DGKD: variants seen among roughly 807,000 people sequenced by gnomAD.
DGKD encodes DAG kinase delta.
A neutral mutation model predicts 154.4 loss-of-function variants in DGKD; 68 were observed. The ratio of observed to expected loss-of-function variants is 0.44; its 90% CI spans 0.36 to 0.54. The LOEUF is 0.54. Ranked by LOEUF, DGKD falls within the 20% of genes least tolerant of loss-of-function variation. The probability of loss-of-function intolerance (pLI) is 0.00; values close to 1 mark genes in which losing one functional copy is unlikely to be tolerated. For missense variants in DGKD, 1,343 were observed against 1,593.6 expected (o/e 0.84, Z 2.68); for synonymous variants, 693 against 638.0 (o/e 1.09, Z -1.30).
chr2:233,354,819 T>G lies in DGKD; in HGVS notation c.156+145T>G. The G allele has an allele frequency of 3.2e-6, 1 of 315,758 alleles. No homozygotes were observed. Among genetic ancestry groups the G allele is most frequent in the Non-Finnish European group, 4.5e-6 (1 of 222,282 alleles). The allele number at this position is 315,758 out of a possible 1,614,324, so 19.6% of individuals were successfully genotyped here. A position where few individuals can be genotyped will look rare whatever the true frequency, so the allele number is the denominator to read the frequency against. On this transcript the variant is annotated intron_variant, in intron 1 of 29. Transcript: ENST00000264057. The surrounding 1 kb of genome is among the most constrained non-coding windows in gnomAD (Gnocchi z 4.8). The stretch of plus-strand genomic sequence containing the variant: ...CGGGCGTCACCGCCCCTGTCGAGCG[T>G]GCCCCGCCGCTGTAACGGGCCGGCG...
chr2:233,403,747 C>A (rs541165478), intron 3 of DGKD, among the ~76,000 whole-genome samples: 1 of 151,242 alleles, frequency 6.6e-6, no homozygotes, highest in Non-Finnish European at 1.5e-5. Flanking sequence ...TCAAGCAATT[C>A]TCCTGCCTCA....
Position 233,388,291 on chromosome 2 carries a change from A to G in DGKD, c.191A>G (p.Asn64Ser). Residue 64 changes from asparagine to serine, a missense_variant, in exon 2 of 30, where the codon AAC becomes AGC. Transcript: ENST00000264057. ...AAAGAGGGGATGCTGACCAAACAGAACAATTCATTCCAGCGATCAAAAAGG... is the reference window on the plus strand; with the variant it reads ...AAAGAGGGGATGCTGACCAAACAGAGCAATTCATTCCAGCGATCAAAAAGG... ...IIKEGMLTKQNNSFQRSKRRY... is the reference protein window; with the variant it reads ...IIKEGMLTKQSNSFQRSKRRY... 1 of 1,614,168 alleles carries G rather than the reference A, an allele frequency of 6.2e-7. No individual in the cohort carries two copies. Among genetic ancestry groups the G allele is most frequent in the Non-Finnish European group, 8.5e-7 (1 of 1,180,026 alleles).
Position 233,445,484 on chromosome 2 carries a change from G to A in DGKD, c.1195-139G>A. On this transcript the variant is annotated intron_variant, in intron 10 of 29. Coordinates refer to ENST00000264057, the MANE Select transcript of DGKD (RefSeq NM_152879.3). This position sits in a 1 kb window ranked among gnomAD's most constrained non-coding sequence, Gnocchi z 5.5. ...CCCTCCAGTGGGCTCTGCCTGTAATGTGTAAGCTGCGTGGTTTTAGGTCAC... is the reference window on the plus strand; with the variant it reads ...CCCTCCAGTGGGCTCTGCCTGTAATATGTAAGCTGCGTGGTTTTAGGTCAC... The A allele has an allele frequency of 1.6e-6, 2 of 1,217,308 alleles. No homozygotes were observed. The highest frequency in any genetic ancestry group is 2.2e-6 in the Non-Finnish European group (2 of 896,812). 75.4% of individuals were successfully genotyped at this position (1,217,308 alleles called of 1,614,324 possible). A position where few individuals can be genotyped will look rare whatever the true frequency, so the allele number is the denominator to read the frequency against.
At chr2:233,387,228 G>A (rs1304823234) in intron 1 of DGKD, among the ~76,000 whole-genome samples, 1 of 152,174 alleles carries the variant, frequency 6.6e-6, no homozygotes, top group Non-Finnish European at 1.5e-5. Context: ...AAACATTTAC[G>A]TAAAGTGCAG....
At chr2:233,451,166 A>T in intron 17 of DGKD, 116 bp downstream of exon 17, 213 of 698,974 alleles carry the variant, frequency 3.0e-4, no homozygotes, top group Middle Eastern at 9.9e-4. Flanking sequence ...TGAGAAAGAT[A>T]GGTGGAATTG....
At chr2:233,383,821 A>G (rs7593807) in intron 1 of DGKD, among the ~76,000 whole-genome samples, 4,665 of 152,144 alleles carry the variant, frequency 0.031, 234 homozygotes, top group African/African-American at 0.11. Context: ...TGCTTTAAGG[A>G]TAGTTGAGGA....
At chr2:233,439,395 G>C (rs904959486) in intron 9 of DGKD, among the ~76,000 whole-genome samples, 4 of 152,190 alleles carry the variant, frequency 2.6e-5, no homozygotes, top group Admixed American at 1.3e-4. Flanking sequence ...TGTCTTCTGT[G>C]TTGCTCATCC....
chr2:233,396,979 G>GCA (rs1302155776), intron 3 of DGKD, among the ~76,000 whole-genome samples: 8 of 124,076 alleles, frequency 6.4e-5, no homozygotes, highest in East Asian at 2.7e-4. Flanking sequence ...GGCTGGGGGG[G>GCA]GCAGAGCGAG....
intron 1 of DGKD, among the ~76,000 whole-genome samples, chr2:233,369,156 G>C (rs1003867160): frequency 6.6e-6 from 1 of 152,226 alleles, no homozygotes; most frequent in African/African-American, 2.4e-5. Context: ...TTTTTGGGGG[G>C]AGGTTCTCAT....
intron 1 of DGKD, among the ~76,000 whole-genome samples, chr2:233,376,786 A>G (rs374100307): frequency 6.6e-6 from 1 of 152,092 alleles, no homozygotes; most frequent in East Asian, 1.9e-4. Flanking sequence ...TTAAATGAGT[A>G]ATCTTTGGAA....
chr2:233,460,415 C>T (rs2063591441), intron 24 of DGKD, 70 bp downstream of exon 24: 1 of 1,564,264 alleles, frequency 6.4e-7, no homozygotes, highest in Non-Finnish European at 8.7e-7. Context: ...TCTTCCAAGG[C>T]CCCTGGGGCG....
At chr2:233,434,568 C>T (rs939865475) in intron 4 of DGKD, 84 bp downstream of exon 4, 84 of 1,442,578 alleles carry the variant, frequency 5.8e-5, no homozygotes, top group Non-Finnish European at 7.7e-5. Flanking sequence ...CTCCCACGTG[C>T]GGACCCACAG....
intron 18 of DGKD, 46 bp from the exon 19 acceptor site, chr2:233,454,717 C>A: frequency 1.7e-6 from 2 of 1,186,766 alleles, no homozygotes; most frequent in Non-Finnish European, 2.5e-6. Context: ...TGAAATAAGA[C>A]TGCTCAGCAG....
chr2:233,380,992 C>A (rs1007348287), intron 1 of DGKD, among the ~76,000 whole-genome samples: 6 of 151,854 alleles, frequency 4.0e-5, no homozygotes, highest in African/African-American at 1.5e-4. Context: ...AAATTGGATT[C>A]TCTTGATGGG....
At position 233,437,436 on chromosome 2, in the gene DGKD, G is replaced by A; in HGVS notation, c.879G>A (p.Val293=). The part of the protein sequence containing the change: ...LTKCPLGLCK[V]SVIPPTALNS... Reference sequence around the variant, plus strand: ...AGTGCCCACTTGGCCTGTGCAAAGTGTCAGTCATCCCACCCACGGCTCTCA... The same window carrying A: ...AGTGCCCACTTGGCCTGTGCAAAGTATCAGTCATCCCACCCACGGCTCTCA... The change falls in exon 8 of 30, where the codon GTG becomes GTA. Residue 293 remains valine (V), a synonymous_variant. Coordinates refer to ENST00000264057, the MANE Select transcript of DGKD (RefSeq NM_152879.3). 1 of 1,614,242 alleles carries A rather than the reference G, an allele frequency of 6.2e-7. No individual in the cohort carries two copies.
At chr2:233,407,884 C>T (rs112211923) in intron 3 of DGKD, among the ~76,000 whole-genome samples, 1 of 152,180 alleles carries the variant, frequency 6.6e-6, no homozygotes, top group South Asian at 2.1e-4. Context: ...TTCTAACAGA[C>T]ATCAGCCCAG....
In DGKD at chr2:233,452,029, G is replaced by T. The variant is rs538804843; in HGVS notation, c.2233G>T (p.Ala745Ser). ...GSVISRLLIN[A>S]DPFNSEPETL... ...AGTCATCAGTCGCCTGTTAATTAAT[G>T]CTGATCCCTTCAACTCTGAACCAGA... The change falls in exon 18 of 30, where the codon GCT becomes TCT. Residue 745 changes from alanine to serine, a missense_variant. Physicochemically the swap from Ala to Ser is moderately conservative, Grantham distance 99. Coordinates refer to ENST00000264057, the MANE Select transcript of DGKD (RefSeq NM_152879.3). This position sits in a 1 kb window ranked among gnomAD's most constrained non-coding sequence, Gnocchi z 4.0. 2.5e-5 allele frequency: 40 copies of T among 1,614,062 alleles called. No individual in the cohort carries two copies. In the African/African-American group the frequency reaches 4.4e-4, roughly 18 times the overall value.
chr2:233,420,771 C>T (rs1245609387), intron 3 of DGKD, among the ~76,000 whole-genome samples: 5 of 152,332 alleles, frequency 3.3e-5, no homozygotes, highest in East Asian at 3.9e-4. Context: ...CTGACAGGCG[C>T]GGCCTGAGTT....
intron 1 of DGKD, among the ~76,000 whole-genome samples, chr2:233,375,396 G>A (rs1702523893): frequency 6.6e-6 from 1 of 152,082 alleles, no homozygotes; most frequent in South Asian, 2.1e-4. Context: ...GTGGTCTTAA[G>A]TAAATAAAAA....
Sources: allele counts gnomAD v4.1 joint callset (sites outside exome capture counted in the v4.1 genomes callset), GRCh38; gene constraint gnomAD v4.1.1; non-coding constraint Gnocchi (gnomAD v3.1); transcripts MANE v1.5; gene names NCBI Gene and HGNC (gene_info 2026-07-23, HGNC 2026-07-21).